The following PPARGC1A variants were observed in gnomAD, a reference collection of about 807,000 sequenced individuals.
The protein encoded by PPARGC1A is peroxisome proliferator-activated receptor gamma coactivator 1-alpha.
In PPARGC1A, 25 loss-of-function variants were observed where a neutral mutation model predicts 88.7. That is an observed-to-expected ratio of 0.28 (90% CI 0.21 to 0.39). PPARGC1A has a LOEUF of 0.39. PPARGC1A is among the 10% of genes least tolerant of loss of function. The probability of loss-of-function intolerance (pLI) is 1.00; values close to 1 mark genes in which losing one functional copy is unlikely to be tolerated. For missense variants in PPARGC1A, 880 were observed against 968.7 expected (o/e 0.91, Z 1.22); for synonymous variants, 363 against 355.6 (o/e 1.02, Z -0.24).
chr4:24,051,474 ACACT>A, the PPARGC1A span, among the ~76,000 whole-genome samples: 4 of 152,204 alleles, frequency 2.6e-5, no homozygotes, highest in African/African-American at 9.6e-5. Flanking sequence ...CTCTATCTTA[ACACT>A]CACAGTAGCC....
chr4:24,201,009 T>C, the PPARGC1A span, among the ~76,000 whole-genome samples: 1 of 152,188 alleles, frequency 6.6e-6, no homozygotes, highest in Non-Finnish European at 1.5e-5. Context: ...GGTACCATTC[T>C]ACATGATAGG....
the PPARGC1A span, among the ~76,000 whole-genome samples, chr4:24,139,697 G>A: frequency 1.3e-5 from 2 of 152,072 alleles, no homozygotes; most frequent in Admixed American, 1.3e-4. Context: ...TTAGCATCCT[G>A]TGCGTGCCCT....
chr4:24,469,468 T>A, the PPARGC1A span, among the ~76,000 whole-genome samples: 2 of 152,232 alleles, frequency 1.3e-5, no homozygotes, highest in African/African-American at 4.8e-5. Context: ...CACCTTCCCC[T>A]AATGATGTAC....
the PPARGC1A span, among the ~76,000 whole-genome samples, chr4:24,342,227 A>G: frequency 6.6e-6 from 1 of 152,156 alleles, no homozygotes; most frequent in African/African-American, 2.4e-5. Flanking sequence ...AGACCTTACT[A>G]TGTGCCAGGT....
At chr4:24,266,399 A>T in the PPARGC1A span, among the ~76,000 whole-genome samples, 587 of 152,262 alleles carry the variant, frequency 3.9e-3, 18 homozygotes, top group East Asian at 0.093. Flanking sequence ...TCTGAACCCC[A>T]GGATCTTGGG....
At chr4:24,402,558 C>CATCT in the PPARGC1A span, among the ~76,000 whole-genome samples, 3 of 152,256 alleles carry the variant, frequency 2.0e-5, no homozygotes, top group South Asian at 6.2e-4. Flanking sequence ...TGCCCGAGGA[C>CATCT]AGATAATTAA....
Position 23,793,940 on chromosome 4 carries a change from C to G in PPARGC1A, c.*1882G>C, listed in dbSNP as rs1365143314. ...TCATAATTTATAATAAATAGGCTAT[C>G]TGCAACTGATAAATATGTCTCTTTA... On this transcript the variant is annotated 3_prime_UTR_variant, in exon 13 of 13. Coordinates refer to ENST00000264867, the MANE Select transcript of PPARGC1A (RefSeq NM_013261.5). 1.3e-5 allele frequency: 2 copies of G among 152,542 alleles called. No individual in the cohort carries two copies. The highest frequency in any genetic ancestry group is 2.9e-5 in the Non-Finnish European group (2 of 68,016). 9.4% of individuals were successfully genotyped at this position (152,542 alleles called of 1,614,324 possible).
the PPARGC1A span, among the ~76,000 whole-genome samples, chr4:24,250,959 G>A: frequency 1.3e-5 from 2 of 152,102 alleles, no homozygotes; most frequent in African/African-American, 4.8e-5. Flanking sequence ...AACTTCCCAG[G>A]CCAAACTCAT....
the PPARGC1A span, among the ~76,000 whole-genome samples, chr4:24,354,598 C>A: frequency 6.6e-6 from 1 of 152,100 alleles, no homozygotes; most frequent in Non-Finnish European, 1.5e-5. Context: ...TGTAAAACCA[C>A]CCTTTTGGCT....
At chr4:24,446,935 T>G in the PPARGC1A span, among the ~76,000 whole-genome samples, 1 of 152,134 alleles carries the variant, frequency 6.6e-6, no homozygotes, top group Non-Finnish European at 1.5e-5. Context: ...TCTCACAACT[T>G]TGCCTTATTT....
chr4:24,397,565 G>C, the PPARGC1A span, among the ~76,000 whole-genome samples: 2 of 152,272 alleles, frequency 1.3e-5, no homozygotes, highest in African/African-American at 4.8e-5. Context: ...TCCTTAAAAA[G>C]AGACATACTT....
At chr4:24,315,319 C>T in the PPARGC1A span, among the ~76,000 whole-genome samples, 94 of 152,242 alleles carry the variant, frequency 6.2e-4, no homozygotes, top group South Asian at 7.3e-3. Context: ...TGGGGTGAGG[C>T]ATGGGGAAGT....
the PPARGC1A span, among the ~76,000 whole-genome samples, chr4:24,333,115 G>T: frequency 6.6e-6 from 1 of 152,070 alleles, no homozygotes; most frequent in Non-Finnish European, 1.5e-5. Context: ...GGTGACACGC[G>T]CCTGTAATCC....
intron 2 of PPARGC1A, among the ~76,000 whole-genome samples, chr4:23,870,955 T>A (rs935652191): frequency 6.6e-6 from 1 of 151,086 alleles, no homozygotes; most frequent in Non-Finnish European, 1.5e-5. Flanking sequence ...TTTTTTTTTC[T>A]TTTCTATACC....
chr4:23,918,607 A>T, the PPARGC1A span, among the ~76,000 whole-genome samples: 1 of 152,148 alleles, frequency 6.6e-6, no homozygotes, highest in Admixed American at 6.5e-5. Flanking sequence ...ATGGCTACCA[A>T]AGTTAGGGCT....
the PPARGC1A span, among the ~76,000 whole-genome samples, chr4:24,342,093 T>G: frequency 1.1e-4 from 16 of 152,162 alleles, no homozygotes; most frequent in Non-Finnish European, 2.4e-4. Flanking sequence ...ACGTTTATCT[T>G]TATTGTAAGA....
the PPARGC1A span, among the ~76,000 whole-genome samples, chr4:24,398,690 T>C: frequency 5.9e-5 from 9 of 152,354 alleles, no homozygotes; most frequent in East Asian, 1.7e-3. Context: ...GTGTCTGTAA[T>C]CCTGGATTGT....
chr4:24,252,992 C>T, the PPARGC1A span, among the ~76,000 whole-genome samples: 33 of 152,166 alleles, frequency 2.2e-4, no homozygotes, highest in African/African-American at 6.0e-4. Context: ...ACTTGGAAAA[C>T]GATGATCTCA....
the PPARGC1A span, among the ~76,000 whole-genome samples, chr4:23,919,547 T>TAAA: frequency 2.7e-5 from 2 of 75,262 alleles, no homozygotes; most frequent in East Asian, 2.5e-4. Flanking sequence ...GAGTAGTTCT[T>TAAA]AAAAAAAAAA....
Sources: allele counts gnomAD v4.1 joint callset (sites outside exome capture counted in the v4.1 genomes callset), GRCh38; gene constraint gnomAD v4.1.1; transcripts MANE v1.5; gene names NCBI Gene and HGNC (gene_info 2026-07-23, HGNC 2026-07-21).